Variants in MDGA2 observed in about 807,000 individuals in gnomAD.
MDGA2 encodes MAM domain-containing glycosylphosphatidylinositol anchor protein 2.
MDGA2 carries 40 observed loss-of-function variants against 117.8 expected under a neutral mutation model. The observed-to-expected ratio is 0.34, with a 90% CI of 0.26 to 0.44. MDGA2 has a LOEUF of 0.44. Among genes scored for constraint, MDGA2 ranks in the 20% least tolerant of loss-of-function variants. MDGA2 has a pLI of 1.00. For missense variants in MDGA2, 1,123 were observed against 1,250.6 expected (o/e 0.90, Z 1.54); for synonymous variants, 452 against 439.0 (o/e 1.03, Z -0.37).
intron 1 of MDGA2, among the ~76,000 whole-genome samples, chr14:47,322,644 C>T (rs974305419): frequency 1.6e-4 from 25 of 152,140 alleles, no homozygotes; most frequent in African/African-American, 5.8e-4. Flanking sequence ...AACGTAACTT[C>T]TGTGGTATAT....
At chr14:47,224,793 T>C (rs955148158) in intron 2 of MDGA2, among the ~76,000 whole-genome samples, 1 of 152,172 alleles carries the variant, frequency 6.6e-6, no homozygotes, top group African/African-American at 2.4e-5. Flanking sequence ...CTATCAATGG[T>C]ACGTAATTAT....
chr14:47,211,754 C>T (rs879939699), intron 3 of MDGA2, among the ~76,000 whole-genome samples: 2 of 152,054 alleles, frequency 1.3e-5, no homozygotes, highest in East Asian at 1.9e-4. Flanking sequence ...TCTTTCAAAA[C>T]CCATCCTTAA....
intron 1 of MDGA2, among the ~76,000 whole-genome samples, chr14:47,633,532 C>A (rs901333706): frequency 3.3e-5 from 5 of 152,148 alleles, no homozygotes; most frequent in Admixed American, 1.3e-4. Flanking sequence ...CTTTAGTAAA[C>A]ATGTAGTATA....
chr14:46,995,528 T>TG (rs1256446347), intron 8 of MDGA2, among the ~76,000 whole-genome samples: 1 of 152,186 alleles, frequency 6.6e-6, no homozygotes, highest in Non-Finnish European at 1.5e-5. Flanking sequence ...AGGTAATCAA[T>TG]GTGTTTAAAC....
rs566187568 is a variant in MDGA2, at chr14:47,550,629, G to GT, written c.280+123887dup. 5.0e-3 allele frequency among the ~76,000 whole-genome samples: 742 copies of GT among 147,396 alleles called. 4 individuals are homozygous for GT. The highest frequency in any genetic ancestry group is 0.025 in the Middle Eastern group (7 of 280). On this transcript the variant is annotated intron_variant, in intron 1 of 16. Coordinates refer to ENST00000399232, the MANE Select transcript of MDGA2 (RefSeq NM_001113498.3). The stretch of plus-strand genomic sequence containing the variant: ...TAAGTTAATACATGATTCATTCACT[G>GT]TTTTTTTTTTCACTTTTAAATTCAC...
chr14:47,397,356 C>T (rs1892035952), intron 1 of MDGA2, among the ~76,000 whole-genome samples: 1 of 152,052 alleles, frequency 6.6e-6, no homozygotes, highest in Admixed American at 6.6e-5. Flanking sequence ...GGAGGGATAG[C>T]ATTAGGAGAA....
At chr14:46,878,414 C>G (rs558519573) in intron 11 of MDGA2, among the ~76,000 whole-genome samples, 2 of 152,130 alleles carry the variant, frequency 1.3e-5, no homozygotes, top group South Asian at 4.1e-4. Context: ...AGTTAATTTA[C>G]AGTGCAGAAC....
At chr14:47,344,889 G>A (rs1303368329) in intron 1 of MDGA2, among the ~76,000 whole-genome samples, 1 of 151,672 alleles carries the variant, frequency 6.6e-6, no homozygotes, top group African/African-American at 2.4e-5. Context: ...GTGTGTGTGT[G>A]TGTTTATGAC....
chr14:47,155,885 C>CTTTTTTTTTTTTTTTTTTTT (rs1883353082), intron 3 of MDGA2, among the ~76,000 whole-genome samples: 2 of 80,410 alleles, frequency 2.5e-5, no homozygotes, highest in African/African-American at 8.7e-5. Flanking sequence ...TCTTCTTCTT[C>CTTTTTTTTTTTTTTTTTTTT]TTCTTTTTTT....
At chr14:47,178,059 C>T (rs901951827) in intron 3 of MDGA2, among the ~76,000 whole-genome samples, 13 of 151,890 alleles carry the variant, frequency 8.6e-5, no homozygotes, top group African/African-American at 3.1e-4. Flanking sequence ...GGATATATTA[C>T]TTAATATACA....
chr14:47,350,710 A>G (rs1476119452), intron 1 of MDGA2, among the ~76,000 whole-genome samples: 2 of 152,232 alleles, frequency 1.3e-5, no homozygotes, highest in Non-Finnish European at 2.9e-5. Context: ...AGAGACAAGT[A>G]ACCCTAGCAT....
At chr14:47,139,958 A>G (rs1056580348) in intron 4 of MDGA2, among the ~76,000 whole-genome samples, 1 of 151,136 alleles carries the variant, frequency 6.6e-6, no homozygotes, top group Non-Finnish European at 1.5e-5. Context: ...TAAGCAAAAG[A>G]TAAAGTAAAC....
chr14:47,106,661 A>G (rs967227571), intron 5 of MDGA2, among the ~76,000 whole-genome samples: 12 of 152,080 alleles, frequency 7.9e-5, no homozygotes, highest in Middle Eastern at 3.4e-3. Context: ...GAAGACTGAC[A>G]CTGCCCGATC....
intron 1 of MDGA2, among the ~76,000 whole-genome samples, chr14:47,477,951 C>G (rs1238289671): frequency 6.6e-6 from 1 of 152,196 alleles, no homozygotes; most frequent in Non-Finnish European, 1.5e-5. Context: ...AGTAAAAGAA[C>G]TCAGTTCAGA....
chr14:47,231,662 C>A (rs1886694712), intron 2 of MDGA2, among the ~76,000 whole-genome samples: 1 of 151,004 alleles, frequency 6.6e-6, no homozygotes, highest in Non-Finnish European at 1.5e-5. Flanking sequence ...ACAAAGTTAT[C>A]CTATAATAAC....
chr14:47,260,094 G>GA (rs1887746052), intron 2 of MDGA2, among the ~76,000 whole-genome samples: 2 of 151,964 alleles, frequency 1.3e-5, no homozygotes, highest in Admixed American at 1.3e-4. Flanking sequence ...GTGCTAGATG[G>GA]AAAAATGGTA....
chr14:47,462,070 A>AAG (rs1594869195), intron 1 of MDGA2, among the ~76,000 whole-genome samples: 1 of 152,206 alleles, frequency 6.6e-6, no homozygotes, highest in African/African-American at 2.4e-5. Context: ...ATACACTCTA[A>AAG]TTGCTTTCGT....
At chr14:47,217,973 AG>A in intron 3 of MDGA2, 47 bp downstream of exon 3, 1 of 1,391,536 alleles carries the variant, frequency 7.2e-7, no homozygotes, top group Non-Finnish European at 9.5e-7. Context: ...GTAAGACAAA[AG>A]AAATCCATAA....
At chr14:47,167,972 C>A (rs1349312266) in intron 3 of MDGA2, among the ~76,000 whole-genome samples, 1 of 152,126 alleles carries the variant, frequency 6.6e-6, no homozygotes, top group African/African-American at 2.4e-5. Flanking sequence ...TGTACAACTC[C>A]ATTGCATTTG....
Sources: gnomAD v4.1 joint callset for allele counts (sites outside exome capture counted in the v4.1 genomes callset) on GRCh38, gnomAD v4.1.1 for gene constraint, MANE v1.5 for transcripts, NCBI Gene and HGNC (gene_info 2026-07-23, HGNC 2026-07-21) for gene names.